Variants in EPHA6 observed in about 807,000 individuals in gnomAD.
EPHA6 encodes ephrin type-A receptor 6.
EPHA6 carries 50 observed loss-of-function variants against 112.0 expected under a neutral mutation model. The ratio of observed to expected loss-of-function variants is 0.45; its 90% CI spans 0.36 to 0.56. EPHA6 has a LOEUF of 0.56. Ranked by LOEUF, EPHA6 falls within the 20% of genes least tolerant of loss-of-function variation. EPHA6 has a pLI of 0.00. For synonymous variants in EPHA6, 529 were observed against 490.7 expected (o/e 1.08, Z -1.03); for missense variants, 1,280 against 1,417.4 (o/e 0.90, Z 1.56).
intron 5 of EPHA6, among the ~76,000 whole-genome samples, chr3:97,296,392 T>G (rs887083440): frequency 2.6e-5 from 4 of 152,158 alleles, no homozygotes; most frequent in African/African-American, 4.8e-5. Context: ...TCTGTTTTCC[T>G]GGTGATGCGG....
At position 97,244,050 on chromosome 3, in the gene EPHA6, C is replaced by G. The variant is rs1462512020; in HGVS notation, c.1369C>G (p.Leu457Val). Reference protein sequence around the residue: ...PPSDTGGRKDLTYSVICKKCG... With the variant: ...PPSDTGGRKDVTYSVICKKCG... ...AAGTGACACAGGAGGGAGAAAAGAT[C>G]TCACATACAGTGTAATCTGTAAGAA... Residue 457 changes from leucine (L) to valine (V), a missense_variant, in exon 5 of 18, where the codon CTC (leucine) becomes GTC (valine). Physicochemically the swap from Leu to Val is conservative, Grantham distance 32. Transcript: ENST00000389672. 1 of 1,612,616 alleles carries G rather than the reference C, an allele frequency of 6.2e-7. No homozygotes were observed. Among genetic ancestry groups the G allele is most frequent in the Non-Finnish European group, 8.5e-7 (1 of 1,179,226 alleles).
chr3:96,841,698 T>C (rs2034759985), intron 1 of EPHA6, among the ~76,000 whole-genome samples: 1 of 148,946 alleles, frequency 6.7e-6, no homozygotes, highest in African/African-American at 2.6e-5. Flanking sequence ...TCAAGATCTA[T>C]TGTTTTAAGC....
chr3:96,955,878 A>G (rs2041737154), intron 2 of EPHA6, among the ~76,000 whole-genome samples: 1 of 152,228 alleles, frequency 6.6e-6, no homozygotes, highest in Non-Finnish European at 1.5e-5. Context: ...GTAGGAACAA[A>G]TACAAACTAT....
intron 3 of EPHA6, among the ~76,000 whole-genome samples, chr3:97,121,489 G>A (rs2048039650): frequency 6.6e-6 from 1 of 152,026 alleles, no homozygotes; most frequent in African/African-American, 2.4e-5. Context: ...TGTCACTTTG[G>A]TGTACACTCC....
At chr3:97,641,578 G>T (rs1241016674) in intron 14 of EPHA6, among the ~76,000 whole-genome samples, 1 of 152,206 alleles carries the variant, frequency 6.6e-6, no homozygotes, top group Non-Finnish European at 1.5e-5. Flanking sequence ...AGGATAGTGG[G>T]TGCAGCGCAC....
At chr3:96,976,958 G>C (rs2042548714) in intron 2 of EPHA6, among the ~76,000 whole-genome samples, 1 of 152,060 alleles carries the variant, frequency 6.6e-6, no homozygotes, top group Non-Finnish European at 1.5e-5. Context: ...TTTGAAACAG[G>C]GAAAAGACAC....
intron 6 of EPHA6, among the ~76,000 whole-genome samples, chr3:97,422,846 G>A (rs888735524): frequency 6.6e-6 from 1 of 152,060 alleles, no homozygotes; most frequent in South Asian, 2.1e-4. Context: ...GGGATGCAAG[G>A]TTGGTTCAAC....
At chr3:97,052,320 G>A (rs183144547) in intron 3 of EPHA6, among the ~76,000 whole-genome samples, 1 of 152,150 alleles carries the variant, frequency 6.6e-6, no homozygotes, top group East Asian at 1.9e-4. Context: ...CCCATTTTCA[G>A]TTCATAGTTT....
At chr3:97,718,636 T>TC (rs1189023560) in intron 14 of EPHA6, among the ~76,000 whole-genome samples, 3 of 152,146 alleles carry the variant, frequency 2.0e-5, no homozygotes, top group African/African-American at 7.2e-5. Context: ...ATGAATTTTC[T>TC]CCCCTTGCAA....
At chr3:96,882,290 A>G (rs1315048838) in intron 2 of EPHA6, among the ~76,000 whole-genome samples, 6 of 152,206 alleles carry the variant, frequency 3.9e-5, no homozygotes, top group Admixed American at 3.9e-4. Context: ...CTGGACATCC[A>G]GGTGTTTCCA....
chr3:97,500,452 A>G (rs928466487), intron 10 of EPHA6, among the ~76,000 whole-genome samples: 14 of 152,076 alleles, frequency 9.2e-5, no homozygotes, highest in African/African-American at 3.4e-4. Context: ...AGCAAAATAG[A>G]GAGTGGAGGG....
intron 5 of EPHA6, among the ~76,000 whole-genome samples, chr3:97,304,354 T>G (rs1397767712): frequency 6.6e-6 from 1 of 151,956 alleles, no homozygotes; most frequent in Non-Finnish European, 1.5e-5. Flanking sequence ...GCTATTCCCA[T>G]TAAATTACCA....
chr3:97,740,452 T>C (rs936977653), intron 16 of EPHA6, among the ~76,000 whole-genome samples: 1 of 152,124 alleles, frequency 6.6e-6, no homozygotes, highest in Non-Finnish European at 1.5e-5. Context: ...GAAATAATGC[T>C]TTGCCTAGGC....
chr3:97,431,742 T>C (rs1282984455), intron 6 of EPHA6, among the ~76,000 whole-genome samples: 1 of 152,122 alleles, frequency 6.6e-6, no homozygotes, highest in Non-Finnish European at 1.5e-5. Context: ...GTTTATACTT[T>C]TAAAAGACCA....
chr3:96,962,526 T>A (rs1432436856), intron 2 of EPHA6, among the ~76,000 whole-genome samples: 1 of 147,630 alleles, frequency 6.8e-6, no homozygotes, highest in Non-Finnish European at 1.5e-5. Context: ...ACGGCCTAAC[T>A]AGATAACATT....
intron 14 of EPHA6, among the ~76,000 whole-genome samples, chr3:97,704,483 C>T (rs1284467494): frequency 6.6e-6 from 1 of 152,158 alleles, no homozygotes; most frequent in Admixed American, 6.5e-5. Flanking sequence ...ATCAGCTTTC[C>T]TGGTTTTCCC....
intron 7 of EPHA6, among the ~76,000 whole-genome samples, chr3:97,460,592 C>A (rs999933315): frequency 1.3e-5 from 2 of 152,168 alleles, no homozygotes; most frequent in Non-Finnish European, 2.9e-5. Context: ...GGAGTTCTGC[C>A]TGCTGAAAGC....
intron 4 of EPHA6, among the ~76,000 whole-genome samples, chr3:97,241,605 T>G (rs1289585941): frequency 6.6e-6 from 1 of 151,766 alleles, no homozygotes; most frequent in African/African-American, 2.4e-5. Context: ...GTTCTAAATC[T>G]TAGTAAATGA....
Position 97,652,421 on chromosome 3 carries a change from G to T in EPHA6, c.2784+14339G>T, listed in dbSNP as rs558965096. Among the ~76,000 whole-genome samples, 18 of 152,098 alleles carry T rather than the reference G, an allele frequency of 1.2e-4. No individual in the cohort carries two copies. The East Asian group carries it at 3.3e-3, about 28-fold the overall frequency. On this transcript the variant is annotated intron_variant, in intron 14 of 17. Coordinates refer to ENST00000389672, the MANE Select transcript of EPHA6 (RefSeq NM_001080448.3). ...CTGGCTAATGAAACCTTGAAATTTG[G>T]ATGTTTTCAATGAGCTCAGATCCAA...
Sources: allele counts gnomAD v4.1 joint callset (sites outside exome capture counted in the v4.1 genomes callset), GRCh38; gene constraint gnomAD v4.1.1; transcripts MANE v1.5; gene names NCBI Gene and HGNC (gene_info 2026-07-23, HGNC 2026-07-21).